CAMK1D: variants seen among roughly 807,000 people sequenced by gnomAD.
CAMK1D encodes the protein calcium/calmodulin dependent protein kinase ID, also known as calcium/calmodulin-dependent protein kinase type 1D.
Under a neutral mutation model 47.7 loss-of-function variants are expected in CAMK1D, and 9 were observed. The ratio of observed to expected loss-of-function variants is 0.19; its 90% CI spans 0.11 to 0.33. The LOEUF is 0.33. Ranked by LOEUF, CAMK1D falls within the 10% of genes least tolerant of loss-of-function variation. The pLI is 1.00. For missense variants in CAMK1D, 291 were observed against 488.7 expected (o/e 0.60, Z 3.81); for synonymous variants, 184 against 184.9 (o/e 0.99, Z 0.04).
chr10:12,412,166 TCTC>T (rs1432554385), intron 1 of CAMK1D, among the ~76,000 whole-genome samples: 1 of 152,170 alleles, frequency 6.6e-6, no homozygotes, highest in Admixed American at 6.5e-5. Context: ...ACAGTCCTCA[TCTC>T]CTGGTGCCTC....
At chr10:12,753,993 C>T (rs181787901) in intron 3 of CAMK1D, among the ~76,000 whole-genome samples, 6 of 152,110 alleles carry the variant, frequency 3.9e-5, no homozygotes, top group African/African-American at 7.2e-5. Context: ...CGGGCTCAAG[C>T]GATTCTCCTG....
intron 3 of CAMK1D, among the ~76,000 whole-genome samples, chr10:12,740,034 A>G (rs1835361657): frequency 6.6e-6 from 1 of 152,228 alleles, no homozygotes; most frequent in African/African-American, 2.4e-5. Context: ...TATCTGAGGT[A>G]GGAACCGAGT....
At chr10:12,377,985 T>G (rs1838231185) in intron 1 of CAMK1D, among the ~76,000 whole-genome samples, 1 of 152,172 alleles carries the variant, frequency 6.6e-6, no homozygotes, top group African/African-American at 2.4e-5. Context: ...CATTCTAGTT[T>G]GAGATTCTGA....
At chr10:12,446,318 T>C (rs1832924203) in intron 1 of CAMK1D, among the ~76,000 whole-genome samples, 1 of 152,222 alleles carries the variant, frequency 6.6e-6, no homozygotes, top group East Asian at 1.9e-4. Context: ...GGGTGAATTA[T>C]TCATGCCTCC....
rs34038018 is a variant in CAMK1D at position 12,573,831 on chromosome 10, C to CTTTTTTTTTTTTTT, written c.224+20487_224+20500dup. Among the ~76,000 whole-genome samples the CTTTTTTTTTTTTTT allele has an allele frequency of 1.6e-3, 102 of 64,084 alleles. 16 individuals carry two copies. The highest frequency in any genetic ancestry group is 4.8e-3 in the African/African-American group (88 of 18,448). The allele number at this position is 64,084 out of a possible 152,430, so 42.0% of individuals were successfully genotyped here. A position where few individuals can be genotyped will look rare whatever the true frequency, so the allele number is the denominator to read the frequency against. On this transcript the variant is annotated intron_variant, in intron 2 of 10. Coordinates refer to ENST00000619168, the MANE Select transcript of CAMK1D (RefSeq NM_153498.4). ...CACCATGCCTGGCTTATTAAAAAAA[C>CTTTTTTTTTTTTTT]TTTTTTTTTTTTTTTTTTTTTTTTT...
At chr10:12,605,181 G>A (rs1468896614) in intron 2 of CAMK1D, among the ~76,000 whole-genome samples, 1 of 152,036 alleles carries the variant, frequency 6.6e-6, no homozygotes, top group African/African-American at 2.4e-5. Flanking sequence ...CCACCGTGCC[G>A]GGTACCAGTG....
At chr10:12,773,984 T>C (rs1837159610) in intron 5 of CAMK1D, among the ~76,000 whole-genome samples, 1 of 150,764 alleles carries the variant, frequency 6.6e-6, no homozygotes, top group African/African-American at 2.4e-5. Context: ...ACAGGTCAGC[T>C]TAATGTATGC....
chr10:12,452,341 C>A (rs1344841370), intron 1 of CAMK1D, among the ~76,000 whole-genome samples: 2 of 151,792 alleles, frequency 1.3e-5, no homozygotes, highest in Admixed American at 1.3e-4. Context: ...TCACATCTAG[C>A]CCCTTTCTTC....
intron 2 of CAMK1D, among the ~76,000 whole-genome samples, chr10:12,554,548 T>C (rs1836699466): frequency 2.8e-5 from 2 of 72,378 alleles, no homozygotes; most frequent in African/African-American, 3.5e-5. Context: ...TCATTTTTTC[T>C]TTTTTTCTCC....
At chr10:12,662,130 C>A (rs918542577) in intron 2 of CAMK1D, among the ~76,000 whole-genome samples, 2 of 152,126 alleles carry the variant, frequency 1.3e-5, no homozygotes, top group Non-Finnish European at 2.9e-5. Flanking sequence ...TGACATGTAA[C>A]CTTCCATTTA....
At chr10:12,488,920 T>A (rs1257244090) in intron 1 of CAMK1D, among the ~76,000 whole-genome samples, 4 of 152,164 alleles carry the variant, frequency 2.6e-5, no homozygotes, top group African/African-American at 7.2e-5. Context: ...CCTCCTGCTG[T>A]GCAGCCTTTT....
intron 2 of CAMK1D, among the ~76,000 whole-genome samples, chr10:12,623,077 C>CTCCATCGCTCCCTCCCTTCCTTCT (rs1839053034): frequency 8.5e-6 from 1 of 117,508 alleles, no homozygotes; most frequent in African/African-American, 3.3e-5. Flanking sequence ...TCCTCCCTTC[C>CTCCATCGCTCCCTCCCTTCCTTCT]TTCCTTCCTC....
intron 3 of CAMK1D, among the ~76,000 whole-genome samples, chr10:12,707,643 A>G (rs1025069623): frequency 6.6e-6 from 1 of 152,226 alleles, no homozygotes. Flanking sequence ...GGGGAATTCC[A>G]GAACTTAGAG....
At chr10:12,541,515 C>T (rs1032166781) in intron 1 of CAMK1D, among the ~76,000 whole-genome samples, 3 of 152,170 alleles carry the variant, frequency 2.0e-5, no homozygotes, top group Non-Finnish European at 4.4e-5. Context: ...AGGCGTGTGC[C>T]ACCACGCCTG....
At chr10:12,407,770 T>G (rs1839491028) in intron 1 of CAMK1D, among the ~76,000 whole-genome samples, 1 of 152,140 alleles carries the variant, frequency 6.6e-6, no homozygotes, top group Non-Finnish European at 1.5e-5. Context: ...ATTCAAGCTC[T>G]AGGTACTTCC....
At position 12,585,853 on chromosome 10, in the gene CAMK1D, C is replaced by T. The variant is rs181665297; in HGVS notation, c.224+32497C>T. Among the ~76,000 whole-genome samples the T allele has an allele frequency of 2.7e-4, 41 of 152,320 alleles. No individual in the cohort carries two copies. In the East Asian group the frequency reaches 5.6e-3, roughly 21 times the overall value. ...TCAGTGACCTGCCATCTCGATCCTT[C>T]GGACACTCCATGGAGGCTTCTGGAC... On this transcript the variant is annotated intron_variant, in intron 2 of 10. Coordinates refer to ENST00000619168, the MANE Select transcript of CAMK1D (RefSeq NM_153498.4).
intron 1 of CAMK1D, among the ~76,000 whole-genome samples, chr10:12,443,152 T>C (rs924830906): frequency 6.6e-6 from 1 of 152,104 alleles, no homozygotes; most frequent in African/African-American, 2.4e-5. Flanking sequence ...TTCAAAGATG[T>C]GAAGCCTCAG....
intron 2 of CAMK1D, among the ~76,000 whole-genome samples, chr10:12,579,230 C>T (rs774627236): frequency 2.0e-5 from 3 of 152,174 alleles, no homozygotes; most frequent in Non-Finnish European, 2.9e-5. Context: ...GGGAGCATTC[C>T]TCTTCTTGTT....
chr10:12,533,628 A>T (rs553598622), intron 1 of CAMK1D, among the ~76,000 whole-genome samples: 1 of 151,860 alleles, frequency 6.6e-6, no homozygotes, highest in East Asian at 1.9e-4. Context: ...GCCTCCCTCT[A>T]CTCTTGAAAA....
Sources: allele counts gnomAD v4.1 joint callset (sites outside exome capture counted in the v4.1 genomes callset), GRCh38; gene constraint gnomAD v4.1.1; transcripts MANE v1.5; gene names NCBI Gene and HGNC (gene_info 2026-07-23, HGNC 2026-07-21).